The following CLNK variants were observed in gnomAD, a reference collection of about 807,000 sequenced individuals.
CLNK encodes the protein cytokine dependent hematopoietic cell linker, also known as cytokine-dependent hematopoietic cell linker.
Under a neutral mutation model 68.6 loss-of-function variants are expected in CLNK, and 74 were observed. The observed-to-expected ratio is 1.08, with a 90% confidence interval of 0.89 to 1.31. The LOEUF (loss-of-function observed/expected upper bound fraction) is 1.31, where lower values mean the gene tolerates loss of function less well. Ranked by LOEUF, CLNK falls within the 50% of genes most tolerant of loss-of-function variation. The pLI is 0.00. For synonymous variants in CLNK, 198 were observed against 172.2 expected, an observed-to-expected ratio of 1.15 and a Z score of -1.17; for missense variants, 553 against 515.3, an observed-to-expected ratio of 1.07 and a Z score of -0.71.
At position 10,501,413 on chromosome 4, in the gene CLNK, T is replaced by C. The variant is rs763565389; in HGVS notation, c.985-2A>G. 9 of 1,605,620 alleles carry C rather than the reference T, an allele frequency of 5.6e-6. No individual in the cohort carries two copies. Among genetic ancestry groups the C allele is most frequent in the Admixed American group, 1.7e-5 (1 of 57,684 alleles). The stretch of plus-strand genomic sequence containing the variant: ...ATCTCGGACCAAGAAACTACCATCC[T>C]GAAGCAAAAAGAGTAACAGTCATCT... On this transcript the variant is annotated splice_acceptor_variant, in intron 17 of 18. Coordinates refer to ENST00000226951, the MANE Select transcript of CLNK (RefSeq NM_052964.4). LOFTEE classifies it high-confidence loss of function.
chr4:10,651,026 C>T (rs1238322345), intron 2 of CLNK, among the ~76,000 whole-genome samples: 4 of 152,062 alleles, frequency 2.6e-5, no homozygotes, highest in Admixed American at 6.6e-5. Context: ...GTGAGAATGG[C>T]GATCATTAAA....
intron 3 of CLNK, among the ~76,000 whole-genome samples, chr4:10,594,504 G>A (rs1721314024): frequency 6.6e-6 from 1 of 152,204 alleles, no homozygotes; most frequent in South Asian, 2.1e-4. Context: ...TCCTTCTGGT[G>A]CAGTTGGCCA....
intron 12 of CLNK, chr4:10,531,703 A>T: frequency 6.6e-6 from 3 of 456,420 alleles, no homozygotes; most frequent in Non-Finnish European, 1.3e-5. Flanking sequence ...GGCCTCCCAA[A>T]GTGCTGGGAT....
At chr4:10,505,580 A>T (rs1717255801) in intron 17 of CLNK, among the ~76,000 whole-genome samples, 1 of 152,296 alleles carries the variant, frequency 6.6e-6, no homozygotes, top group Admixed American at 6.5e-5. Context: ...AATCAATAGG[A>T]GAGACTTTGT....
At chr4:10,705,471 TC>T in the CLNK span, among the ~76,000 whole-genome samples, 1 of 152,328 alleles carries the variant, frequency 6.6e-6, no homozygotes, top group South Asian at 2.1e-4. Context: ...GTGCTGTGTT[TC>T]CTTTTTGTGG....
chr4:10,721,209 G>T, the CLNK span, among the ~76,000 whole-genome samples: 1 of 151,956 alleles, frequency 6.6e-6, no homozygotes, highest in African/African-American at 2.4e-5. Context: ...AGGGAACTGG[G>T]TGTGGCTATA....
intron 4 of CLNK, among the ~76,000 whole-genome samples, chr4:10,574,315 C>G (rs1230653793): frequency 6.6e-6 from 1 of 152,194 alleles, no homozygotes; most frequent in East Asian, 1.9e-4. Flanking sequence ...ACCTTGAACT[C>G]TCTTCTCTGT....
At chr4:10,551,836 G>A (rs2108814555) in intron 8 of CLNK, among the ~76,000 whole-genome samples, 1 of 150,220 alleles carries the variant, frequency 6.7e-6, no homozygotes, top group Middle Eastern at 3.4e-3. Flanking sequence ...TTATATCAGT[G>A]AGAGAATTGT....
At chr4:10,594,252 C>T (rs1721299706) in intron 3 of CLNK, among the ~76,000 whole-genome samples, 2 of 152,184 alleles carry the variant, frequency 1.3e-5, no homozygotes, top group Admixed American at 1.3e-4. Context: ...GAAACAGCTC[C>T]TGCACCCACC....
chr4:10,621,171 C>T (rs1722439907), intron 2 of CLNK, among the ~76,000 whole-genome samples: 1 of 152,136 alleles, frequency 6.6e-6, no homozygotes, highest in African/African-American at 2.4e-5. Context: ...CCGCTGCAGG[C>T]CAGACACTTC....
intron 5 of CLNK, among the ~76,000 whole-genome samples, chr4:10,569,352 C>T (rs1720251627): frequency 1.3e-5 from 2 of 151,956 alleles, no homozygotes; most frequent in Non-Finnish European, 2.9e-5. Flanking sequence ...CTCTCTTTCT[C>T]TGGGTTTCTC....
chr4:10,714,773 A>G, the CLNK span, among the ~76,000 whole-genome samples: 1 of 151,646 alleles, frequency 6.6e-6, no homozygotes, highest in Non-Finnish European at 1.5e-5. Context: ...TGCAAATCTC[A>G]GTGAAAAAGG....
At position 10,607,503 on chromosome 4, in the gene CLNK, TG is replaced by T. The variant is rs1381893721; in HGVS notation, c.12-9455del. 2.6e-5 allele frequency among the ~76,000 whole-genome samples: 4 copies of T among 152,200 alleles called. No individual in the cohort carries two copies. In the East Asian group the frequency reaches 7.7e-4, roughly 29 times the overall value. On this transcript the variant is annotated intron_variant, in intron 2 of 18. Transcript: ENST00000226951. ...ATGATTGCAAACCCTACTCAGAGAT[TG>T]TAATCCTATAAAGTACAGTATCTCC...
intron 3 of CLNK, among the ~76,000 whole-genome samples, chr4:10,586,326 CT>C (rs1270456928): frequency 9.8e-5 from 11 of 112,816 alleles, no homozygotes; most frequent in Admixed American, 4.1e-4. Flanking sequence ...CTGAATCTTT[CT>C]TTTTTTTTCT....
intron 1 of CLNK, among the ~76,000 whole-genome samples, chr4:10,675,716 T>C (rs1048650642): frequency 6.6e-6 from 1 of 151,992 alleles, no homozygotes; most frequent in African/African-American, 2.4e-5. Flanking sequence ...TTAGGAAATG[T>C]CATTCTAATA....
At chr4:10,639,671 TA>T (rs1388165801) in intron 2 of CLNK, among the ~76,000 whole-genome samples, 1 of 152,230 alleles carries the variant, frequency 6.6e-6, no homozygotes, top group African/African-American at 2.4e-5. Flanking sequence ...ATTAAACATT[TA>T]AAAATGAATA....
intron 8 of CLNK, among the ~76,000 whole-genome samples, chr4:10,558,172 C>A (rs575136027): frequency 6.6e-6 from 1 of 152,116 alleles, no homozygotes; most frequent in Non-Finnish European, 1.5e-5. Context: ...CAAAATTGCA[C>A]AACAAAGAAT....
At chr4:10,668,084 G>A (rs1269347110) in intron 1 of CLNK, among the ~76,000 whole-genome samples, 173 bp from the exon 2 acceptor site, 2 of 152,190 alleles carry the variant, frequency 1.3e-5, no homozygotes, top group African/African-American at 4.8e-5. Context: ...ACACAGTTGG[G>A]GAGGGGATTT....
intron 14 of CLNK, among the ~76,000 whole-genome samples, chr4:10,521,160 C>T (rs574373829): frequency 1.4e-4 from 21 of 152,266 alleles, no homozygotes; most frequent in African/African-American, 5.1e-4. Context: ...TGGAAAAGAA[C>T]ATTTTGCTGG....
Sources: gnomAD v4.1 joint callset for allele counts (sites outside exome capture counted in the v4.1 genomes callset) on GRCh38, gnomAD v4.1.1 for gene constraint, MANE v1.5 for transcripts, NCBI Gene and HGNC (gene_info 2026-07-23, HGNC 2026-07-21) for gene names.